FMNL3: variants seen among roughly 807,000 people sequenced by gnomAD.
FMNL3 encodes the protein formin-like protein 3.
A neutral mutation model predicts 119.6 loss-of-function variants in FMNL3; 57 were observed. The ratio of observed to expected loss-of-function variants is 0.48; its 90% CI spans 0.39 to 0.59. FMNL3 has a LOEUF of 0.59. FMNL3 is among the 20% of genes least tolerant of loss of function. The probability of loss-of-function intolerance (pLI) is 0.00; values close to 1 mark genes in which losing one functional copy is unlikely to be tolerated. For synonymous variants in FMNL3, 491 were observed against 507.3 expected, an observed-to-expected ratio of 0.97 and a Z score of 0.43; for missense variants, 1,053 against 1,323.5, an observed-to-expected ratio of 0.80 and a Z score of 3.17.
intron 14 of FMNL3, 83 bp from the exon 15 acceptor site, chr12:49,651,533 C>A (rs1247851925): frequency 2.7e-6 from 3 of 1,096,798 alleles, no homozygotes; most frequent in Non-Finnish European, 3.6e-6. Context: ...GTCCCACCTT[C>A]TCTGAGAGTT....
rs564618835 is a variant in FMNL3 at position 49,665,054 on chromosome 12, C to T, written c.368+778G>A. On this transcript the variant is annotated intron_variant, in intron 4 of 25. Transcript: ENST00000335154. ...CCCTCACTGTCCTTTTGCATAAGCA[C>T]ACATACGCACACATATACACACTTT... Among the ~76,000 whole-genome samples the T allele has an allele frequency of 3.9e-5, 6 of 152,244 alleles. No individual in the cohort carries two copies. The South Asian group carries it at 1.2e-3, about 32-fold the overall frequency.
chr12:49,706,978 C>A (rs1056742940), intron 1 of FMNL3, 77 bp downstream of exon 1: 5 of 1,485,130 alleles, frequency 3.4e-6, no homozygotes, highest in Non-Finnish European at 4.5e-6. Flanking sequence ...GGGACGGGGG[C>A]CCAGCACAAA....
Position 49,642,065 on chromosome 12 carries a change from CTG to C in FMNL3, c.*3748_*3749del. 1.9e-6 allele frequency: 3 copies of C among 1,605,872 alleles called. No individual in the cohort carries two copies. The highest frequency in any genetic ancestry group is 4.5e-5 in the East Asian group (2 of 44,830). The stretch of plus-strand genomic sequence containing the variant: ...GGGCGTGGGAAGTTCTCTAATTCAT[CTG>C]TGTCTTGCTCCATTCCTTCTCACTC... On this transcript the variant is annotated 3_prime_UTR_variant, in exon 26 of 26. Transcript: ENST00000335154. The surrounding 1 kb of genome is among the most constrained non-coding windows in gnomAD (Gnocchi z 5.8).
chr12:49,695,045 A>C (rs971506509), intron 1 of FMNL3, among the ~76,000 whole-genome samples: 6 of 151,962 alleles, frequency 3.9e-5, no homozygotes, highest in Non-Finnish European at 8.8e-5. Context: ...AAAAAAAAGT[A>C]AACATTATAG....
At chr12:49,687,389 GC>G (rs911070470) in intron 1 of FMNL3, among the ~76,000 whole-genome samples, 4 of 151,800 alleles carry the variant, frequency 2.6e-5, no homozygotes, top group African/African-American at 4.9e-5. Context: ...ACCGCGCCTG[GC>G]CCCTCTCTCT....
Position 49,636,612 on chromosome 12 carries a change from T to C in FMNL3, c.*9203A>G. ...GGCCCTTCCCCCACCACCCTGGGTA[T>C]CCCTAGCACCTGTAGGACAGCATCG... On this transcript the variant is annotated 3_prime_UTR_variant, in exon 26 of 26. Coordinates refer to ENST00000335154, the MANE Select transcript of FMNL3 (RefSeq NM_175736.5). 1.3e-6 allele frequency: 2 copies of C among 1,513,282 alleles called. No individual in the cohort carries two copies. Among genetic ancestry groups the C allele is most frequent in the Non-Finnish European group, 1.8e-6 (2 of 1,108,460 alleles). The allele number at this position is 1,513,282 out of a possible 1,614,324, so 93.7% of individuals were successfully genotyped here. A position where few individuals can be genotyped will look rare whatever the true frequency, so the allele number is the denominator to read the frequency against.
intron 1 of FMNL3, among the ~76,000 whole-genome samples, chr12:49,691,342 C>T (rs975931165): frequency 4.6e-5 from 7 of 152,208 alleles, no homozygotes; most frequent in South Asian, 4.2e-4. Context: ...ATGATTGTCA[C>T]GGTGGTCACA....
chr12:49,707,297 G>C lies in FMNL3; in HGVS notation c.-117C>G. ...CCGGCTCCCCGAGTCCCGACTCCTCGGCCCCGTCGAGGGCGCCGGGGGTTC... is the reference window on the plus strand; with the variant it reads ...CCGGCTCCCCGAGTCCCGACTCCTCCGCCCCGTCGAGGGCGCCGGGGGTTC... On this transcript the variant is annotated 5_prime_UTR_variant, in exon 1 of 26. Coordinates refer to ENST00000335154, the MANE Select transcript of FMNL3 (RefSeq NM_175736.5). 2 of 1,051,582 alleles carry C rather than the reference G, an allele frequency of 1.9e-6. No homozygotes were observed. Among genetic ancestry groups the C allele is most frequent in the Non-Finnish European group, 2.5e-6 (2 of 785,662 alleles). 65.1% of individuals were successfully genotyped at this position (1,051,582 alleles called of 1,614,324 possible).
chr12:49,702,479 T>C (rs956049645), intron 1 of FMNL3, among the ~76,000 whole-genome samples: 5 of 152,226 alleles, frequency 3.3e-5, no homozygotes, highest in African/African-American at 1.2e-4. Context: ...CCTAAATCTT[T>C]AGTCTTTTCT....
chr12:49,650,153 T>A (rs1943351159), intron 17 of FMNL3, among the ~76,000 whole-genome samples: 1 of 152,138 alleles, frequency 6.6e-6, no homozygotes, highest in African/African-American at 2.4e-5. Flanking sequence ...GTACCTAGGG[T>A]GAAGTCCAAA....
intron 1 of FMNL3, among the ~76,000 whole-genome samples, chr12:49,675,287 T>C (rs1038239891): frequency 6.6e-6 from 1 of 152,204 alleles, no homozygotes; most frequent in Non-Finnish European, 1.5e-5. Flanking sequence ...AGCAACTTGA[T>C]CTGTCTATTG....
rs774559360 is a variant in FMNL3, at chr12:49,656,440, G to A, written c.849C>T (p.His283=). ...LAAVCLVRGG[H]EIILAAFDNF... is the part of the protein sequence containing the mutation. ...TGTCAAAGGCAGCAAGGATGATTTC[G>A]TGACCTCCTCGCACCAAACACACAG... The change falls in exon 9 of 26, where the codon CAC becomes CAT. Residue 283 remains histidine, a synonymous_variant. Transcript: ENST00000335154. 8 of 1,613,948 alleles carry A rather than the reference G, an allele frequency of 5.0e-6. No individual in the cohort carries two copies. The highest frequency in any genetic ancestry group is 2.2e-5 in the East Asian group (1 of 44,888).
At chr12:49,656,941 G>A (rs1404942592) in intron 7 of FMNL3, 42 bp from the exon 8 acceptor site, 1 of 1,574,074 alleles carries the variant, frequency 6.4e-7, no homozygotes, top group Non-Finnish European at 8.7e-7. Flanking sequence ...TGATGGTGGG[G>A]AAGGGGGAGC....
intron 25 of FMNL3, chr12:49,646,611 C>T: frequency 1.4e-6 from 2 of 1,459,436 alleles, no homozygotes; most frequent in Middle Eastern, 1.8e-4. Context: ...GACGGGCATG[C>T]AGAGGGGGCA....
chr12:49,654,828 C>G, intron 10 of FMNL3, 82 bp downstream of exon 10: 1 of 1,279,792 alleles, frequency 7.8e-7, no homozygotes, highest in Admixed American at 2.0e-5. Context: ...TATCAAGATA[C>G]GCTGTTGGCC....
chr12:49,675,027 G>T (rs765591160), intron 1 of FMNL3, among the ~76,000 whole-genome samples: 1 of 152,098 alleles, frequency 6.6e-6, no homozygotes, highest in Non-Finnish European at 1.5e-5. Context: ...TTCCTCCACC[G>T]GATCCTGAGA....
In FMNL3 at chr12:49,651,381, C is replaced by G; in HGVS notation, c.1672+1G>C. On this transcript the variant is annotated splice_donor_variant, in intron 15 of 25. Transcript: ENST00000335154. LOFTEE classifies it high-confidence loss of function. The stretch of plus-strand genomic sequence containing the variant: ...CTGCCCAGAGCCCTGGGGATACTCA[C>G]CTGACAGGCCCACTGTCAACACCAC... 6.4e-7 allele frequency: 1 copy of G among 1,564,244 alleles called. No individual in the cohort carries two copies.
In FMNL3 at chr12:49,645,586, A is replaced by G; in HGVS notation, c.*229T>C. 1 of 503,560 alleles carries G rather than the reference A, an allele frequency of 2.0e-6. No homozygotes were observed. Among genetic ancestry groups the G allele is most frequent in the Non-Finnish European group, 3.5e-6 (1 of 288,502 alleles). 31.2% of individuals were successfully genotyped at this position (503,560 alleles called of 1,614,324 possible). On this transcript the variant is annotated 3_prime_UTR_variant, in exon 26 of 26. Transcript: ENST00000335154. The stretch of plus-strand genomic sequence containing the variant: ...CTGAGCTGACCCTTGGTGACCCTTC[A>G]GGAAATGAAGTCAAAGACCTTGGGG...
In FMNL3 at chr12:49,637,293, T is replaced by G. The variant is rs1482267098; in HGVS notation, c.*8522A>C. ...TCCCTCTCTGTGTATTTACTTTCTC[T>G]CTTTTTGCATTGTTCTCAGCCTTCC... On this transcript the variant is annotated 3_prime_UTR_variant, in exon 26 of 26. Transcript: ENST00000335154. The G allele has an allele frequency of 5.0e-6, 3 of 603,198 alleles. No homozygotes were observed. The highest frequency in any genetic ancestry group is 8.9e-6 in the Non-Finnish European group (3 of 337,798). The allele number at this position is 603,198 out of a possible 1,614,324, so 37.4% of individuals were successfully genotyped here.
Sources: gnomAD v4.1 joint callset for allele counts (sites outside exome capture counted in the v4.1 genomes callset) on GRCh38, gnomAD v4.1.1 for gene constraint, Gnocchi (gnomAD v3.1) non-coding constraint, MANE v1.5 for transcripts, NCBI Gene and HGNC (gene_info 2026-07-23, HGNC 2026-07-21) for gene names.